Variants in CHD7 observed in about 807,000 individuals in gnomAD.
CHD7 encodes the protein ATP-dependent chromatin remodeler CHD7.
A neutral mutation model predicts 307.3 loss-of-function variants in CHD7; 24 were observed. That is an observed-to-expected ratio of 0.08 (90% CI 0.06 to 0.11). The LOEUF (loss-of-function observed/expected upper bound fraction) is 0.11. CHD7 is among the 10% of genes least tolerant of loss of function. The probability of loss-of-function intolerance (pLI) is 1.00; values close to 1 mark genes in which losing one functional copy is unlikely to be tolerated. For missense variants in CHD7, 3,106 were observed against 3,727.1 expected, an observed-to-expected ratio of 0.83 and a Z score of 4.34; for synonymous variants, 1,363 against 1,349.9, an observed-to-expected ratio of 1.01 and a Z score of -0.21.
Position 60,838,107 on chromosome 8 carries a change from A to T in CHD7, c.4385A>T (p.Asp1462Val), listed in dbSNP as rs774809528. The change falls in exon 19 of 38, where the codon GAT (aspartate) becomes GTT (valine). Residue 1462 changes from aspartate to valine, a missense_variant. Transcript: ENST00000423902. ...CAGCTTTCCAAGAAAGAAATAGAGGATCTTCTACGAAAAGGGGCCTATGGT... is the reference window on the plus strand; with the variant it reads ...CAGCTTTCCAAGAAAGAAATAGAGGTTCTTCTACGAAAAGGGGCCTATGGT... The part of the protein sequence containing the change: ...VQQLSKKEIE[D>V]LLRKGAYGAL... The T allele has an allele frequency of 1.3e-6, 2 of 1,528,622 alleles. No homozygotes were observed. The highest frequency in any genetic ancestry group is 1.8e-6 in the Non-Finnish European group (2 of 1,137,792). The allele number at this position is 1,528,622 out of a possible 1,614,324, so 94.7% of individuals were successfully genotyped here. A position where few individuals can be genotyped will look rare whatever the true frequency, so the allele number is the denominator to read the frequency against.
At chr8:60,693,878 G>A (rs1478432233) in intron 1 of CHD7, among the ~76,000 whole-genome samples, 1 of 152,222 alleles carries the variant, frequency 6.6e-6, no homozygotes, top group Admixed American at 6.5e-5. Context: ...AGCCCCCATG[G>A]GGAACTGTCC....
intron 2 of CHD7, among the ~76,000 whole-genome samples, chr8:60,778,105 AG>A (rs144776599): frequency 6.1e-5 from 5 of 81,638 alleles, no homozygotes; most frequent in African/African-American, 2.8e-4. Context: ...TGGGGGGTGG[AG>A]GGGGGGACAT....
intron 34 of CHD7, among the ~76,000 whole-genome samples, chr8:60,859,336 TAA>T (rs1388154782): frequency 1.3e-5 from 2 of 152,220 alleles, no homozygotes; most frequent in Non-Finnish European, 2.9e-5. Flanking sequence ...GTCAGCACTC[TAA>T]CTGTGCTGCC....
At chr8:60,706,143 C>T (rs773665408) in intron 1 of CHD7, among the ~76,000 whole-genome samples, 2 of 152,012 alleles carry the variant, frequency 1.3e-5, no homozygotes, top group African/African-American at 2.4e-5. Flanking sequence ...ACACACAGAC[C>T]CTTTTACACC....
intron 37 of CHD7, chr8:60,864,255 G>C (rs1303432950): frequency 6.6e-6 from 1 of 151,976 alleles, no homozygotes; most frequent in East Asian, 1.9e-4. Flanking sequence ...AAGTAGCTGG[G>C]ATGACAAGCA....
Position 60,852,479 on chromosome 8 carries a change from A to C in CHD7, c.5895-19A>C. On this transcript the variant is annotated intron_variant, in intron 29 of 37. Transcript: ENST00000423902. ...CTTTTCCTGAAGTATGATGCAAGCTAATATAATCTTTCTAACAGGTGGACA... is the reference window on the plus strand; with the variant it reads ...CTTTTCCTGAAGTATGATGCAAGCTCATATAATCTTTCTAACAGGTGGACA... 2.5e-6 allele frequency: 4 copies of C among 1,595,822 alleles called. No homozygotes were observed. The highest frequency in any genetic ancestry group is 3.4e-6 in the Non-Finnish European group (4 of 1,164,564).
At chr8:60,808,364 T>C in intron 7 of CHD7, 92 bp downstream of exon 7, 1 of 800,466 alleles carries the variant, frequency 1.2e-6, no homozygotes. Context: ...ATTAAGAAAC[T>C]TTGGTATGAT....
At chr8:60,805,904 G>A (rs143843203) in intron 6 of CHD7, among the ~76,000 whole-genome samples, 2 of 152,042 alleles carry the variant, frequency 1.3e-5, no homozygotes, top group East Asian at 3.9e-4. Flanking sequence ...TTATCAGAAG[G>A]GCAAAAGCTC....
At position 60,837,006 on chromosome 8, in the gene CHD7, C is replaced by G; in HGVS notation, c.4179C>G (p.Asp1393Glu). 1.2e-6 allele frequency: 2 copies of G among 1,606,260 alleles called. No individual in the cohort carries two copies. The highest frequency in any genetic ancestry group is 1.7e-6 in the Non-Finnish European group (2 of 1,174,956). Residue 1393 changes from aspartate (D) to glutamate (E), a missense_variant, in exon 17 of 38, where the codon GAC becomes GAG. Physicochemically the swap from Asp to Glu is conservative, Grantham distance 45 (BLOSUM62 2). Transcript: ENST00000423902. ...IFDSDWNPQNDLQAQARCHRI... is the reference protein window; with the variant it reads ...IFDSDWNPQNELQAQARCHRI... Reference sequence around the variant, plus strand: ...ATTCAGACTGGAATCCCCAAAATGACCTCCAGGTAAATGCACAAGAAAGTC... The same window carrying G: ...ATTCAGACTGGAATCCCCAAAATGAGCTCCAGGTAAATGCACAAGAAAGTC...
chr8:60,820,000 G>T lies in CHD7; in HGVS notation c.2614-7G>T, dbSNP rs762399977. On this transcript the variant is annotated splice_polypyrimidine_tract_variant and splice_region_variant and intron_variant, in intron 8 of 37. Coordinates refer to ENST00000423902, the MANE Select transcript of CHD7 (RefSeq NM_017780.4). ...ACCTTTAACTTTTTTTTTTCCCTTTGGTGTAGATTGAGGATGAGCTTTTTA... is the reference window on the plus strand; with the variant it reads ...ACCTTTAACTTTTTTTTTTCCCTTTTGTGTAGATTGAGGATGAGCTTTTTA... 47 of 1,582,854 alleles carry T rather than the reference G, an allele frequency of 3.0e-5. 1 individual carries two copies. In the Admixed American group the frequency reaches 8.1e-4, roughly 27 times the overall value.
intron 15 of CHD7, among the ~76,000 whole-genome samples, chr8:60,831,114 A>G (rs1261264010): frequency 6.6e-6 from 1 of 152,196 alleles, no homozygotes; most frequent in Non-Finnish European, 1.5e-5. Flanking sequence ...CTAAATTCAT[A>G]GTGTTATGTA....
chr8:60,849,291 G>C (rs1368953117), intron 25 of CHD7, 137 bp downstream of exon 25: 1 of 526,054 alleles, frequency 1.9e-6, no homozygotes, highest in Non-Finnish European at 3.4e-6. Flanking sequence ...CCATTTTTCT[G>C]TACTAAAAAT....
At chr8:60,821,249 TA>T (rs1232178305) in intron 9 of CHD7, among the ~76,000 whole-genome samples, 3 of 152,214 alleles carry the variant, frequency 2.0e-5, no homozygotes, top group Admixed American at 6.5e-5. Flanking sequence ...TTTGTACAGA[TA>T]AAAAAAATCT....
chr8:60,688,923 G>T (rs1178429995), intron 1 of CHD7, among the ~76,000 whole-genome samples: 1 of 152,116 alleles, frequency 6.6e-6, no homozygotes, highest in East Asian at 1.9e-4. Flanking sequence ...TTCCTCCCAA[G>T]TTCTCTTTAC....
chr8:60,758,389 G>A (rs1809999174), intron 2 of CHD7, among the ~76,000 whole-genome samples: 1 of 152,148 alleles, frequency 6.6e-6, no homozygotes, highest in Non-Finnish European at 1.5e-5. Flanking sequence ...CTTCCTGAGT[G>A]CTGGGATTAC....
intron 5 of CHD7, 126 bp downstream of exon 5, chr8:60,800,651 G>T: frequency 1.1e-6 from 1 of 917,488 alleles, no homozygotes; most frequent in East Asian, 2.7e-5. Flanking sequence ...CCTAATGTTG[G>T]ATAATGTGCT....
intron 1 of CHD7, among the ~76,000 whole-genome samples, chr8:60,730,859 CAA>C (rs879612821): frequency 8.1e-6 from 1 of 124,106 alleles, no homozygotes. Flanking sequence ...GACTCTGTCT[CAA>C]AAAAAAAAAA....
chr8:60,841,819 T>A, intron 20 of CHD7, 28 bp from the exon 21 acceptor site: 1 of 1,609,426 alleles, frequency 6.2e-7, no homozygotes, highest in South Asian at 1.1e-5. Context: ...TTGAGAAATG[T>A]CAAATGTATC....
At chr8:60,794,067 A>G (rs1414738043) in intron 3 of CHD7, among the ~76,000 whole-genome samples, 1 of 152,142 alleles carries the variant, frequency 6.6e-6, no homozygotes, top group African/African-American at 2.4e-5. Context: ...GGTTGCAGTG[A>G]GCCAAGATCA....
Sources: gnomAD v4.1 joint callset for allele counts (sites outside exome capture counted in the v4.1 genomes callset) on GRCh38, gnomAD v4.1.1 for gene constraint, MANE v1.5 for transcripts, NCBI Gene and HGNC (gene_info 2026-07-23, HGNC 2026-07-21) for gene names.